Variants in CD81 observed in about 807,000 individuals in gnomAD.
CD81 encodes the protein CD81 antigen.
CD81 carries 10 observed loss-of-function variants against 30.1 expected under a neutral mutation model. That is an observed-to-expected ratio of 0.33 (90% CI 0.21 to 0.56). The LOEUF (loss-of-function observed/expected upper bound fraction) is 0.56, where lower values mean the gene tolerates loss of function less well. Ranked by LOEUF, CD81 falls within the 20% of genes least tolerant of loss-of-function variation. CD81 has a pLI of 0.89. For missense variants in CD81, 263 were observed against 308.7 expected, an observed-to-expected ratio of 0.85 and a Z score of 1.11; for synonymous variants, 147 against 126.4, an observed-to-expected ratio of 1.16 and a Z score of -1.10.
intron 1 of CD81, chr11:2,386,351 C>T (rs1027265579): frequency 3.9e-5 from 24 of 620,632 alleles, no homozygotes; most frequent in African/African-American, 2.0e-4. Flanking sequence ...AGGTGTCTTT[C>T]GCATTCCTGA....
At chr11:2,379,174 C>T in intron 1 of CD81, 1 of 453,854 alleles carries the variant, frequency 2.2e-6, no homozygotes, top group Non-Finnish European at 4.4e-6. Flanking sequence ...GGATGTCCCT[C>T]TGCCAGCCCC....
chr11:2,377,326 C>CGCAACGGCGGCAACGGCG lies in CD81; in HGVS notation c.-213_-212insAACGGCGGCAACGGCGGC, dbSNP rs1219865741. On this transcript the variant is annotated 5_prime_UTR_variant, in exon 1 of 8. Transcript: ENST00000263645. This position sits in a 1 kb window ranked among gnomAD's most constrained non-coding sequence, Gnocchi z 7.7. Reference sequence around the variant, plus strand: ...CGCGCGCCCGGCCAGAGAGCGAGCGCGCAACGGCGGCGACGGCGGCGACCC... The same window carrying CGCAACGGCGGCAACGGCG: ...CGCGCGCCCGGCCAGAGAGCGAGCGCGCAACGGCGGCAACGGCGGCAACGGCGGCGACGGCGGCGACCC... The CGCAACGGCGGCAACGGCG allele has an allele frequency of 6.6e-6, 1 of 150,654 alleles. No individual in the cohort carries two copies. Among genetic ancestry groups the CGCAACGGCGGCAACGGCG allele is most frequent in the Non-Finnish European group, 1.5e-5 (1 of 67,480 alleles). The allele number at this position is 150,654 out of a possible 1,614,324, so 9.3% of individuals were successfully genotyped here.
chr11:2,379,199 C>T (rs1302176418), intron 1 of CD81: 2 of 451,974 alleles, frequency 4.4e-6, no homozygotes, highest in African/African-American at 2.0e-5. Flanking sequence ...GCCCCGTCCC[C>T]TGACGAGGCG....
At chr11:2,396,220 AC>A (rs1255620355) in intron 6 of CD81, 1 of 586,724 alleles carries the variant, frequency 1.7e-6, no homozygotes, top group South Asian at 1.9e-5. Flanking sequence ...ACTCACCTGC[AC>A]CCCCAGCTCC....
intron 1 of CD81, chr11:2,379,221 G>T (rs561706904): frequency 4.4e-6 from 2 of 450,774 alleles, no homozygotes; most frequent in Non-Finnish European, 8.9e-6. Flanking sequence ...GTGTGGACCT[G>T]GGGGTGGGGG....
intron 6 of CD81, chr11:2,396,407 T>G: frequency 1.6e-6 from 1 of 614,182 alleles, no homozygotes; most frequent in Non-Finnish European, 2.9e-6. Flanking sequence ...GGGCACAGTG[T>G]GTCCCAGGCA....
At chr11:2,394,709 C>T (rs1849965325) in intron 3 of CD81, 2 of 585,260 alleles carry the variant, frequency 3.4e-6, no homozygotes, top group South Asian at 3.8e-5. Context: ...TGACCCCAAA[C>T]CACACGCCCC....
At position 2,378,617 on chromosome 11, in the gene CD81, G is replaced by A. The variant is rs1392076961; in HGVS notation, c.66+1002G>A. Reference sequence around the variant, plus strand: ...TCGGTGTTAGAATTGGGGAGGGGGTGGAAATCCCTTCTTGGCCTGGAAGGA... The same window carrying A: ...TCGGTGTTAGAATTGGGGAGGGGGTAGAAATCCCTTCTTGGCCTGGAAGGA... On this transcript the variant is annotated intron_variant, in intron 1 of 7. Transcript: ENST00000263645. The surrounding 1 kb of genome is among the most constrained non-coding windows in gnomAD (Gnocchi z 4.9). Among the ~76,000 whole-genome samples the A allele has an allele frequency of 1.3e-5, 2 of 152,188 alleles. No individual in the cohort carries two copies. Among genetic ancestry groups the A allele is most frequent in the African/African-American group, 4.8e-5 (2 of 41,446 alleles).
At chr11:2,384,705 C>A in intron 1 of CD81, 1 of 180,576 alleles carries the variant, frequency 5.5e-6, no homozygotes, top group Admixed American at 6.2e-5. Flanking sequence ...CAGGGAGGTG[C>A]CTGTATGGAT....
chr11:2,379,533 G>A (rs974166127), intron 1 of CD81, among the ~76,000 whole-genome samples: 5 of 151,710 alleles, frequency 3.3e-5, no homozygotes, highest in Admixed American at 2.6e-4. Context: ...AGTCACGGGA[G>A]GGGACTTCTC....
intron 1 of CD81, among the ~76,000 whole-genome samples, chr11:2,388,861 A>G (rs1407729665): frequency 6.6e-6 from 1 of 152,164 alleles, no homozygotes; most frequent in Non-Finnish European, 1.5e-5. Flanking sequence ...GCCCAGGCCC[A>G]TGGGAGTCGG....
chr11:2,377,242 C>A (rs1191382191), upstream of CD81: 1 of 151,106 alleles, frequency 6.6e-6, no homozygotes, highest in African/African-American at 2.4e-5. This position sits in a 1 kb window ranked among gnomAD's most constrained non-coding sequence, Gnocchi z 7.7. Flanking sequence ...GTGAGCTGGC[C>A]GGGGCGGGGC....
chr11:2,390,862 G>A (rs527413788), intron 2 of CD81, among the ~76,000 whole-genome samples: 1 of 151,998 alleles, frequency 6.6e-6, no homozygotes, highest in East Asian at 1.9e-4. Context: ...AGCAGCCGAG[G>A]CAGCTGGCGC....
Position 2,397,109 on chromosome 11 carries a change from G to C in CD81, c.*243G>C. On this transcript the variant is annotated 3_prime_UTR_variant, in exon 8 of 8. Transcript: ENST00000263645. The stretch of plus-strand genomic sequence containing the variant: ...CTGGGTCTTGGGGACTGGAGGGCAG[G>C]GGTCCTTCTGCCCTGGGGTCCCAGG... 3 of 557,796 alleles carry C rather than the reference G, an allele frequency of 5.4e-6. No individual in the cohort carries two copies. The South Asian group carries it at 6.0e-5, about 11-fold the overall frequency. The allele number at this position is 557,796 out of a possible 1,614,324, so 34.6% of individuals were successfully genotyped here. A position where few individuals can be genotyped will look rare whatever the true frequency, so the allele number is the denominator to read the frequency against.
At position 2,377,814 on chromosome 11, in the gene CD81, C is replaced by A; in HGVS notation, c.66+199C>A. The A allele has an allele frequency of 3.5e-6, 1 of 282,158 alleles. No homozygotes were observed. The highest frequency in any genetic ancestry group is 6.4e-5 in the East Asian group (1 of 15,600). The allele number at this position is 282,158 out of a possible 1,614,324, so 17.5% of individuals were successfully genotyped here. A position where few individuals can be genotyped will look rare whatever the true frequency, so the allele number is the denominator to read the frequency against. On this transcript the variant is annotated intron_variant, in intron 1 of 7. Transcript: ENST00000263645. The surrounding 1 kb of genome is among the most constrained non-coding windows in gnomAD (Gnocchi z 7.7). ...GACATTGGGGCTGAGGGCTGCGAGCCGAGTTTCGGGGCCTCTGTGCTCGGG... is the reference window on the plus strand; with the variant it reads ...GACATTGGGGCTGAGGGCTGCGAGCAGAGTTTCGGGGCCTCTGTGCTCGGG...
At chr11:2,393,574 C>T (rs1031192002) in intron 2 of CD81, 8 of 403,296 alleles carry the variant, frequency 2.0e-5, no homozygotes, top group Non-Finnish European at 3.2e-5. Flanking sequence ...CAGCAGGGCC[C>T]CCCCACCCTC....
Position 2,395,479 on chromosome 11 carries a change from G to C in CD81, c.418G>C (p.Ala140Pro). 6.2e-7 allele frequency: 1 copy of C among 1,612,726 alleles called. No homozygotes were observed. Among genetic ancestry groups the C allele is most frequent in the Non-Finnish European group, 8.5e-7 (1 of 1,179,890 alleles). The change falls in exon 5 of 8, where the codon GCC (alanine) becomes CCC (proline). Residue 140 changes from alanine to proline, a missense_variant. Around this residue, in one of 3 missense-constraint regions of CD81, gnomAD observed 176 missense variants for 192.9 expected, o/e 0.91. Coordinates refer to ENST00000263645, the MANE Select transcript of CD81 (RefSeq NM_004356.4). ...ALQQAVVDDD[A>P]NNAKAVVKTF... ...ACAGCAGGCCGTGGTGGATGATGAC[G>C]CCAACAACGCCAAGGCTGTGGTGAA... is the stretch of plus-strand genomic sequence containing the variant.
At position 2,394,162 on chromosome 11, in the gene CD81, C is replaced by T. The variant is rs774649408; in HGVS notation, c.249C>T (p.Ala83=). ...TTGGCTTCCTGGGCTGCTACGGGGC[C>T]ATCCAGGAATCCCAGTGCCTGCTGG... is the stretch of plus-strand genomic sequence containing the variant. ...MFVGFLGCYG[A]IQESQCLLGT... is the part of the protein sequence containing the mutation. The change falls in exon 3 of 8, where the codon GCC becomes GCT. Residue 83 remains alanine, a synonymous_variant. Transcript: ENST00000263645. 6.2e-7 allele frequency: 1 copy of T among 1,612,844 alleles called. No individual in the cohort carries two copies. The highest frequency in any genetic ancestry group is 8.5e-7 in the Non-Finnish European group (1 of 1,179,662).
At chr11:2,396,489 C>G (rs963560507) in intron 6 of CD81, 139 bp from the exon 7 acceptor site, 1 of 797,706 alleles carries the variant, frequency 1.3e-6, no homozygotes, top group African/African-American at 1.7e-5. Context: ...CCGCCTGTTC[C>G]GAGGTGGGTA....
Sources: gnomAD v4.1 joint callset for allele counts (sites outside exome capture counted in the v4.1 genomes callset) on GRCh38, gnomAD v4.1.1 for gene constraint, gnomAD v4.1.1 regional missense constraint, Gnocchi (gnomAD v3.1) non-coding constraint, MANE v1.5 for transcripts, NCBI Gene and HGNC (gene_info 2026-07-23, HGNC 2026-07-21) for gene names.